The following CADM1 variants were observed in gnomAD, a reference collection of about 807,000 sequenced individuals.
CADM1 encodes TSLC-1.
CADM1 carries 15 observed loss-of-function variants against 53.1 expected under a neutral mutation model. The ratio of observed to expected loss-of-function variants is 0.28; its 90% CI spans 0.19 to 0.44. The LOEUF (loss-of-function observed/expected upper bound fraction) is 0.44, where lower values mean the gene tolerates loss of function less well. Among genes scored for constraint, CADM1 ranks in the 20% least tolerant of loss-of-function variants. CADM1 has a pLI of 1.00. For synonymous variants in CADM1, 281 were observed against 243.0 expected, an observed-to-expected ratio of 1.16 and a Z score of -1.45; for missense variants, 434 against 611.3, an observed-to-expected ratio of 0.71 and a Z score of 3.06.
chr11:115,467,360 T>C lies in CADM1; in HGVS notation c.124+36911A>G, dbSNP rs778591282. ...AGCTCGAATACGCAAACCCAACTGA[T>C]TGAAGATAGAAAGGCTTGAAGGTGC... On this transcript the variant is annotated intron_variant, in intron 1 of 11. Coordinates refer to ENST00000331581, the MANE Select transcript of CADM1 (RefSeq NM_001301043.2). 5.3e-5 allele frequency among the ~76,000 whole-genome samples: 8 copies of C among 152,222 alleles called. No individual in the cohort carries two copies. The South Asian group carries it at 8.3e-4, about 16-fold the overall frequency.
At chr11:115,349,694 CA>C (rs1375252126) in intron 1 of CADM1, among the ~76,000 whole-genome samples, 7 of 152,164 alleles carry the variant, frequency 4.6e-5, no homozygotes, top group African/African-American at 1.7e-4. Flanking sequence ...AAAAACTTGT[CA>C]TCTTTGTTGC....
chr11:115,451,394 CA>C (rs1441771864), intron 1 of CADM1, among the ~76,000 whole-genome samples: 1 of 152,154 alleles, frequency 6.6e-6, no homozygotes, highest in Non-Finnish European at 1.5e-5. Context: ...CACGTGTAGC[CA>C]TTTGAAGATA....
rs771018659 is a variant in CADM1 at position 115,236,258 on chromosome 11, C to G, written c.424+2242G>C. ...TGTCATTCTTCATTCATTGTAATAT[C>G]TGAAAACTCTAAACCTTACGAGAAA... On this transcript the variant is annotated intron_variant, in intron 3 of 11. Transcript: ENST00000331581. Among the ~76,000 whole-genome samples the G allele has an allele frequency of 6.8e-4, 103 of 152,248 alleles. 1 individual carries two copies. In the Middle Eastern group the frequency reaches 0.017, roughly 25 times the overall value.
At chr11:115,371,404 A>G (rs1156655855) in intron 1 of CADM1, among the ~76,000 whole-genome samples, 2 of 152,226 alleles carry the variant, frequency 1.3e-5, no homozygotes, top group East Asian at 1.9e-4. Context: ...AATAAGCTCT[A>G]CAACAACCAC....
chr11:115,467,657 C>G (rs1034108203), intron 1 of CADM1, among the ~76,000 whole-genome samples: 8 of 152,142 alleles, frequency 5.3e-5, no homozygotes, highest in Non-Finnish European at 1.0e-4. Context: ...AGAGAGAAGC[C>G]GTAACAGGGA....
chr11:115,400,655 GTGTGTGTATATATATATA>G (rs1433336930), intron 1 of CADM1, among the ~76,000 whole-genome samples: 1 of 62,462 alleles, frequency 1.6e-5, no homozygotes, highest in Non-Finnish European at 3.0e-5. Context: ...GTGTGTGTGT[GTGTGTGTATATATATATA>G]TATATATATA....
intron 1 of CADM1, among the ~76,000 whole-genome samples, chr11:115,366,283 A>G (rs970687458): frequency 6.6e-6 from 1 of 152,250 alleles, no homozygotes; most frequent in Non-Finnish European, 1.5e-5. Flanking sequence ...CCTCCTTGAT[A>G]GGAAAAGTCA....
intron 1 of CADM1, among the ~76,000 whole-genome samples, chr11:115,308,444 T>A (rs1362304305): frequency 6.6e-6 from 1 of 151,916 alleles, no homozygotes; most frequent in Non-Finnish European, 1.5e-5. Context: ...GTTAATTCTT[T>A]ATCTGTCTTT....
intron 1 of CADM1, among the ~76,000 whole-genome samples, chr11:115,352,488 G>A (rs977338638): frequency 1.3e-5 from 2 of 152,170 alleles, no homozygotes; most frequent in Non-Finnish European, 2.9e-5. Context: ...GCTATGCAGA[G>A]TGCTGGATAA....
chr11:115,256,967 C>T (rs921280883), intron 1 of CADM1: 5 of 452,664 alleles, frequency 1.1e-5, no homozygotes, highest in African/African-American at 1.0e-4. Context: ...GGTTTATGGG[C>T]AGTCATGCTT....
intron 1 of CADM1, among the ~76,000 whole-genome samples, chr11:115,320,511 ATT>A: frequency 6.6e-6 from 1 of 152,250 alleles, no homozygotes; most frequent in African/African-American, 2.4e-5. Context: ...ATCAGTTATT[ATT>A]TTGAATTTCC....
intron 1 of CADM1, among the ~76,000 whole-genome samples, chr11:115,390,208 T>C (rs1296757233): frequency 6.6e-6 from 1 of 152,198 alleles, no homozygotes; most frequent in East Asian, 1.9e-4. Flanking sequence ...GCTTCACTGA[T>C]TTCAAGCTAT....
At chr11:115,404,101 A>G (rs11215539) in intron 1 of CADM1, among the ~76,000 whole-genome samples, 49,019 of 148,034 alleles carry the variant, frequency 0.33, 9,221 homozygotes, top group Non-Finnish European at 0.43. Context: ...TGAGGCGGGC[A>G]GATCACTTGA....
At chr11:115,191,633 T>C (rs1939874713) in intron 9 of CADM1, among the ~76,000 whole-genome samples, 1 of 152,216 alleles carries the variant, frequency 6.6e-6, no homozygotes, top group Admixed American at 6.5e-5. Context: ...GCTGAGATGC[T>C]TCTCAGCTAG....
intron 1 of CADM1, among the ~76,000 whole-genome samples, chr11:115,357,935 C>G (rs540812619): frequency 1.3e-5 from 2 of 152,100 alleles, no homozygotes; most frequent in East Asian, 3.9e-4. Flanking sequence ...CAGACAGACA[C>G]TAGATAATTA....
chr11:115,320,688 A>G (rs11215487), intron 1 of CADM1, among the ~76,000 whole-genome samples: 25,347 of 147,596 alleles, frequency 0.17, 2,695 homozygotes, highest in African/African-American at 0.29. Context: ...GGGAATCCAG[A>G]AAAAAAAAAA....
intron 1 of CADM1, among the ~76,000 whole-genome samples, chr11:115,307,018 G>A (rs1436186763): frequency 6.6e-6 from 1 of 151,954 alleles, no homozygotes; most frequent in African/African-American, 2.4e-5. Flanking sequence ...GAGTGATGTA[G>A]TCAGAATGTC....
chr11:115,180,772 G>T (rs1939272557), intron 10 of CADM1, among the ~76,000 whole-genome samples: 2 of 152,078 alleles, frequency 1.3e-5, no homozygotes, highest in African/African-American at 2.4e-5. Context: ...ATGCAAAATT[G>T]CTCATGGGGG....
intron 8 of CADM1, among the ~76,000 whole-genome samples, chr11:115,203,683 T>A (rs931447117): frequency 6.6e-6 from 1 of 152,216 alleles, no homozygotes; most frequent in African/African-American, 2.4e-5. Context: ...GAAATTATGA[T>A]AGAGGCATTA....
Sources: gnomAD v4.1 joint callset for allele counts (sites outside exome capture counted in the v4.1 genomes callset) on GRCh38, gnomAD v4.1.1 for gene constraint, MANE v1.5 for transcripts, NCBI Gene and HGNC (gene_info 2026-07-23, HGNC 2026-07-21) for gene names.